Variants in PAX8 observed in about 807,000 individuals in gnomAD.
PAX8 encodes paired box 8.
Under a neutral mutation model 52.4 loss-of-function variants are expected in PAX8, and 15 were observed. That is an observed-to-expected ratio of 0.29 (90% confidence interval 0.19 to 0.44). The LOEUF is 0.44. PAX8 is among the 20% of genes least tolerant of loss of function. PAX8 has a pLI of 1.00. For synonymous variants in PAX8, 284 were observed against 249.7 expected, an observed-to-expected ratio of 1.14 and a Z score of -1.29; for missense variants, 554 against 602.5, an observed-to-expected ratio of 0.92 and a Z score of 0.84.
At chr2:113,227,997 ATCTC>A (rs1689686015) in intron 9 of PAX8, among the ~76,000 whole-genome samples, 1 of 151,962 alleles carries the variant, frequency 6.6e-6, no homozygotes, top group African/African-American at 2.4e-5. Context: ...ACAGACACCA[ATCTC>A]TCTGTTTATC....
intron 2 of PAX8, 104 bp downstream of exon 2, chr2:113,278,266 C>T: frequency 1.0e-6 from 1 of 967,708 alleles, no homozygotes; most frequent in Non-Finnish European, 1.6e-6. Flanking sequence ...CGGGTGGGTC[C>T]CGCGAATCCC....
chr2:113,244,167 TGTG>T (rs1691111386), intron 4 of PAX8, among the ~76,000 whole-genome samples: 1 of 152,178 alleles, frequency 6.6e-6, no homozygotes, highest in African/African-American at 2.4e-5. Flanking sequence ...TGAAAGCAGA[TGTG>T]GTGTTTGAGG....
intron 2 of PAX8, among the ~76,000 whole-genome samples, chr2:113,254,557 C>T (rs574304422): frequency 6.6e-6 from 1 of 152,266 alleles, no homozygotes; most frequent in African/African-American, 2.4e-5. Context: ...AGCTCGGGAG[C>T]AACACATCTA....
At chr2:113,229,435 G>C (rs1324312736) in intron 9 of PAX8, among the ~76,000 whole-genome samples, 2 of 152,212 alleles carry the variant, frequency 1.3e-5, no homozygotes, top group Admixed American at 1.3e-4. Flanking sequence ...ACAGAATAAA[G>C]AGCCATCAGT....
chr2:113,227,163 A>G lies in PAX8; in HGVS notation c.1181T>C (p.Met394Thr). The G allele has an allele frequency of 6.3e-7, 1 of 1,598,486 alleles. No individual in the cohort carries two copies. The highest frequency in any genetic ancestry group is 8.5e-7 in the Non-Finnish European group (1 of 1,173,612). The change falls in exon 10 of 12, where the codon ATG (methionine) becomes ACG (threonine). Residue 394 changes from methionine to threonine, a missense_variant. By Grantham distance (81) the Met-to-Thr change is moderately conservative. Around this residue, in one of 2 missense-constraint regions of PAX8, gnomAD observed 445 missense variants for 409.9 expected, o/e 1.09. Coordinates refer to ENST00000429538, the MANE Select transcript of PAX8 (RefSeq NM_003466.4). ...GSYASSAIAG[M>T]VAGSEYSGNA... ...GCCGGCCCTCTCCTTACCTGCCACC[A>G]TGCCTGCGATGGCAGAGGAGGCATA...
Position 113,236,569 on chromosome 2 carries a change from T to C in PAX8, c.898+32A>G, listed in dbSNP as rs755445556. On this transcript the variant is annotated intron_variant, in intron 8 of 11. Transcript: ENST00000429538. Reference sequence around the variant, plus strand: ...AGCCAAGCTCTTCAGTCCCCCGCCCTCCACCTGCCAGGGAGGCTCCGGGCG... The same window carrying C: ...AGCCAAGCTCTTCAGTCCCCCGCCCCCCACCTGCCAGGGAGGCTCCGGGCG... 10 of 1,546,072 alleles carry C rather than the reference T, an allele frequency of 6.5e-6. No individual in the cohort carries two copies. The African/African-American group carries it at 9.6e-5, about 15-fold the overall frequency.
intron 2 of PAX8, chr2:113,269,306 G>A (rs1053936252): frequency 1.3e-5 from 2 of 152,250 alleles, no homozygotes; most frequent in Admixed American, 6.5e-5. Flanking sequence ...GAGCAGACTG[G>A]AGAAAGCCAG....
Position 113,218,123 on chromosome 2 carries a change from A to C in PAX8, c.*410T>G. 1 of 241,432 alleles carries C rather than the reference A, an allele frequency of 4.1e-6. No individual in the cohort carries two copies. The highest frequency in any genetic ancestry group is 8.1e-6 in the Non-Finnish European group (1 of 124,148). 15.0% of individuals were successfully genotyped at this position (241,432 alleles called of 1,614,324 possible). A position where few individuals can be genotyped will look rare whatever the true frequency, so the allele number is the denominator to read the frequency against. ...GAAGTGCTTATGGTCCATAATTGCT[A>C]GAGTTGTGTTAATAATGGAGCCATG... On this transcript the variant is annotated 3_prime_UTR_variant, in exon 12 of 12. Coordinates refer to ENST00000429538, the MANE Select transcript of PAX8 (RefSeq NM_003466.4).
At chr2:113,232,487 C>A (rs1172918301) in intron 9 of PAX8, among the ~76,000 whole-genome samples, 1 of 152,262 alleles carries the variant, frequency 6.6e-6, no homozygotes, top group Non-Finnish European at 1.5e-5. Flanking sequence ...GGGCCACCAG[C>A]CTGAAAGATA....
chr2:113,262,581 C>T (rs903453600), intron 2 of PAX8, among the ~76,000 whole-genome samples: 2 of 152,152 alleles, frequency 1.3e-5, no homozygotes, highest in Admixed American at 1.3e-4. Context: ...ATAGTCTCTC[C>T]CCTGTCTCCA....
At chr2:113,226,445 G>A (rs1261049098) in intron 10 of PAX8, 12 of 987,624 alleles carry the variant, frequency 1.2e-5, no homozygotes, top group Non-Finnish European at 1.4e-5. Flanking sequence ...ATCTTCATTT[G>A]TCCAGACCTT....
Position 113,218,507 on chromosome 2 carries a change from A to C in PAX8, c.*26T>G, listed in dbSNP as rs1221774405. 4 of 1,445,492 alleles carry C rather than the reference A, an allele frequency of 2.8e-6. No homozygotes were observed. Among genetic ancestry groups the C allele is most frequent in the Admixed American group, 4.5e-5 (2 of 44,388 alleles). The allele number at this position is 1,445,492 out of a possible 1,614,324, so 89.5% of individuals were successfully genotyped here. A position where few individuals can be genotyped will look rare whatever the true frequency, so the allele number is the denominator to read the frequency against. On this transcript the variant is annotated 3_prime_UTR_variant, in exon 12 of 12. Coordinates refer to ENST00000429538, the MANE Select transcript of PAX8 (RefSeq NM_003466.4). Reference sequence around the variant, plus strand: ...CCCAGGCTGAGTCCTCCTGTTGCTCAGTCGCTCCCACTGTCCCCATGGCAA... The same window carrying C: ...CCCAGGCTGAGTCCTCCTGTTGCTCCGTCGCTCCCACTGTCCCCATGGCAA...
rs1049089995 is a variant in PAX8 at position 113,236,828 on chromosome 2, G to A, written c.778-107C>T. On this transcript the variant is annotated intron_variant, in intron 7 of 11. Transcript: ENST00000429538. ...CTTGGCAGCCCTCATCTCCCCAGGAGAGGTCCTCATCGCCCCCTTCTTCCT... is the reference window on the plus strand; with the variant it reads ...CTTGGCAGCCCTCATCTCCCCAGGAAAGGTCCTCATCGCCCCCTTCTTCCT... 15 of 1,340,410 alleles carry A rather than the reference G, an allele frequency of 1.1e-5. No homozygotes were observed. The African/African-American group carries it at 2.0e-4, about 18-fold the overall frequency. The allele number at this position is 1,340,410 out of a possible 1,614,324, so 83.0% of individuals were successfully genotyped here.
chr2:113,227,716 AC>A (rs1689667046), intron 9 of PAX8, among the ~76,000 whole-genome samples: 1 of 152,000 alleles, frequency 6.6e-6, no homozygotes, highest in Admixed American at 6.5e-5. Flanking sequence ...CAAGAATAAG[AC>A]CCTATGAAGG....
intron 9 of PAX8, 50 bp downstream of exon 9, chr2:113,235,344 C>T (rs1187325044): frequency 3.4e-6 from 5 of 1,491,282 alleles, no homozygotes; most frequent in African/African-American, 1.4e-5. Flanking sequence ...TGAGGACCCC[C>T]GTCCCACCCG....
At chr2:113,277,740 C>A (rs750767901) in intron 2 of PAX8, among the ~76,000 whole-genome samples, 3 of 152,172 alleles carry the variant, frequency 2.0e-5, no homozygotes, top group Non-Finnish European at 2.9e-5. Context: ...TGCTTCCGGG[C>A]GCAGGTGGGG....
At chr2:113,250,897 A>G (rs968374354) in intron 2 of PAX8, 1 of 152,230 alleles carries the variant, frequency 6.6e-6, no homozygotes, top group South Asian at 2.1e-4. Context: ...CTTGAAGGAT[A>G]TAAGTCCAGG....
intron 2 of PAX8, among the ~76,000 whole-genome samples, chr2:113,247,129 C>T (rs960202964): frequency 1.2e-4 from 18 of 152,236 alleles, no homozygotes; most frequent in Non-Finnish European, 2.5e-4. Flanking sequence ...TCATCCCCCA[C>T]GATGGGATGG....
At chr2:113,270,888 T>C (rs761516149) in intron 2 of PAX8, 6 of 152,208 alleles carry the variant, frequency 3.9e-5, no homozygotes, top group Admixed American at 2.6e-4. Context: ...GAATGAATTA[T>C]TTTTTCTTTC....
Sources: gnomAD v4.1 joint callset for allele counts (sites outside exome capture counted in the v4.1 genomes callset) on GRCh38, gnomAD v4.1.1 for gene constraint, gnomAD v4.1.1 regional missense constraint, MANE v1.5 for transcripts, NCBI Gene and HGNC (gene_info 2026-07-23, HGNC 2026-07-21) for gene names.